ADGRB3: variants seen among roughly 807,000 people sequenced by gnomAD.
ADGRB3 encodes the protein brain-specific angiogenesis inhibitor 3.
ADGRB3 carries 37 observed loss-of-function variants against 193.4 expected under a neutral mutation model. The ratio of observed to expected loss-of-function variants is 0.19; its 90% CI spans 0.15 to 0.25. ADGRB3 has a LOEUF of 0.25. Ranked by LOEUF, ADGRB3 falls within the 10% of genes least tolerant of loss-of-function variation. The pLI, the probability that ADGRB3 is intolerant of heterozygous loss-of-function variation, is 1.00. For synonymous variants in ADGRB3, 690 were observed against 644.2 expected, an observed-to-expected ratio of 1.07 and a Z score of -1.08; for missense variants, 1,637 against 1,852.9, an observed-to-expected ratio of 0.88 and a Z score of 2.14.
intron 17 of ADGRB3, among the ~76,000 whole-genome samples, chr6:69,158,979 C>T (rs527670635): frequency 3.3e-5 from 5 of 152,142 alleles, no homozygotes; most frequent in South Asian, 2.1e-4. Flanking sequence ...CAGCATCCAA[C>T]GCCCCCACCC....
At chr6:69,101,500 C>T (rs1773055416) in intron 17 of ADGRB3, among the ~76,000 whole-genome samples, 1 of 142,684 alleles carries the variant, frequency 7.0e-6, no homozygotes, top group African/African-American at 2.6e-5. Flanking sequence ...ATACAAGAAG[C>T]TGAATTGAAT....
In ADGRB3 at chr6:69,304,090, G is replaced by GT. The variant is rs202240608; in HGVS notation, c.2815-20774dup. Among the ~76,000 whole-genome samples the GT allele has an allele frequency of 6.8e-3, 1,021 of 150,798 alleles. 10 individuals carry two copies. The highest frequency in any genetic ancestry group is 0.023 in the African/African-American group (935 of 41,198). On this transcript the variant is annotated intron_variant, in intron 20 of 31. Coordinates refer to ENST00000370598, the MANE Select transcript of ADGRB3 (RefSeq NM_001704.3). ...CAAAAATTTCAACCAAAATACAAGG[G>GT]TTTTTTTTAAAAAAAAGAGGTTATA...
At chr6:69,018,296 C>T in intron 12 of ADGRB3, 95 bp from the exon 13 acceptor site, 2 of 693,748 alleles carry the variant, frequency 2.9e-6, no homozygotes, top group East Asian at 5.4e-5. Context: ...AAACAAAGCT[C>T]ATTTGTGATT....
chr6:68,748,344 C>T (rs907983411), intron 3 of ADGRB3, among the ~76,000 whole-genome samples: 2 of 152,138 alleles, frequency 1.3e-5, no homozygotes, highest in African/African-American at 4.8e-5. Context: ...CAAAAGGAAG[C>T]TAGTTACTTC....
At chr6:69,069,747 A>AAAAAG (rs1554257227) in intron 16 of ADGRB3, among the ~76,000 whole-genome samples, 2 of 115,466 alleles carry the variant, frequency 1.7e-5, no homozygotes, top group African/African-American at 5.7e-5. Flanking sequence ...AAAAAAAAAA[A>AAAAAG]AAAGAAAGAA....
chr6:68,734,153 C>T (rs1307043134), intron 3 of ADGRB3, among the ~76,000 whole-genome samples: 1 of 150,900 alleles, frequency 6.6e-6, no homozygotes, highest in Non-Finnish European at 1.5e-5. Context: ...CATTTGAAGA[C>T]AAAACAAAAC....
At chr6:68,733,152 C>A (rs1201193188) in intron 3 of ADGRB3, among the ~76,000 whole-genome samples, 2 of 150,982 alleles carry the variant, frequency 1.3e-5, no homozygotes, top group African/African-American at 2.4e-5. Flanking sequence ...AGTCAGTTTC[C>A]CAAAAAGACA....
At position 68,860,088 on chromosome 6, in the gene ADGRB3, T is replaced by A. The variant is rs146888406; in HGVS notation, c.758-70471T>A. On this transcript the variant is annotated intron_variant, in intron 3 of 31. Transcript: ENST00000370598. ...TTTACATTTTTGCAAATACCTTTAG[T>A]GTCTGTTTATATGGAAGACAGATAT... Among the ~76,000 whole-genome samples, 21 of 152,270 alleles carry A rather than the reference T, an allele frequency of 1.4e-4. No homozygotes were observed. The East Asian group carries it at 4.1e-3, about 29-fold the overall frequency.
At chr6:68,717,096 A>T (rs1221707851) in intron 3 of ADGRB3, among the ~76,000 whole-genome samples, 1 of 151,700 alleles carries the variant, frequency 6.6e-6, no homozygotes, top group Non-Finnish European at 1.5e-5. Flanking sequence ...TCTCTTTCAA[A>T]AAGTACCACT....
At chr6:68,715,917 G>A (rs989076688) in intron 3 of ADGRB3, among the ~76,000 whole-genome samples, 17 of 151,742 alleles carry the variant, frequency 1.1e-4, no homozygotes, top group Non-Finnish European at 2.2e-4. Context: ...CTTTCTTGGA[G>A]TAGGTGTATT....
chr6:69,238,256 C>T (rs1281742541), intron 19 of ADGRB3, among the ~76,000 whole-genome samples: 1 of 152,074 alleles, frequency 6.6e-6, no homozygotes, highest in Admixed American at 6.6e-5. Flanking sequence ...CCTAAACACA[C>T]AGCAAATACA....
chr6:69,203,688 A>G (rs1765481114), intron 17 of ADGRB3, among the ~76,000 whole-genome samples: 1 of 152,082 alleles, frequency 6.6e-6, no homozygotes. Flanking sequence ...TCTCTGTAAC[A>G]TCTACTTACT....
At chr6:69,164,803 T>A (rs148447046) in intron 17 of ADGRB3, among the ~76,000 whole-genome samples, 1 of 152,220 alleles carries the variant, frequency 6.6e-6, no homozygotes, top group Non-Finnish European at 1.5e-5. Flanking sequence ...AGTTACACAA[T>A]CATAATTAGA....
intron 3 of ADGRB3, among the ~76,000 whole-genome samples, chr6:68,791,350 G>T (rs1767103769): frequency 6.6e-6 from 1 of 152,146 alleles, no homozygotes; most frequent in Non-Finnish European, 1.5e-5. Flanking sequence ...AAAAGTGTGT[G>T]TTCATACAAT....
At chr6:69,108,547 G>T (rs1337817541) in intron 17 of ADGRB3, among the ~76,000 whole-genome samples, 1 of 151,966 alleles carries the variant, frequency 6.6e-6, no homozygotes, top group Non-Finnish European at 1.5e-5. Flanking sequence ...ACCTTATTTT[G>T]TGTGTGTGTG....
At chr6:68,706,529 G>A (rs753972198) in intron 3 of ADGRB3, among the ~76,000 whole-genome samples, 80 of 152,304 alleles carry the variant, frequency 5.3e-4, no homozygotes, top group Admixed American at 1.1e-3. Context: ...TTGAGCACCA[G>A]CTCTGAGCCA....
chr6:69,271,833 T>A (rs564557887), intron 20 of ADGRB3, among the ~76,000 whole-genome samples: 1 of 152,182 alleles, frequency 6.6e-6, no homozygotes, highest in Non-Finnish European at 1.5e-5. Flanking sequence ...GCCTTATTGT[T>A]TGTTTTTTGC....
intron 28 of ADGRB3, among the ~76,000 whole-genome samples, chr6:69,359,825 G>A (rs899444183): frequency 6.6e-6 from 1 of 151,784 alleles, no homozygotes; most frequent in Admixed American, 6.6e-5. Context: ...TTCGCACAGC[G>A]CTATTCTGTG....
chr6:68,995,760 C>T lies in ADGRB3; in HGVS notation c.1929+1798C>T, dbSNP rs567302445. 3.3e-5 allele frequency among the ~76,000 whole-genome samples: 5 copies of T among 152,206 alleles called. No individual in the cohort carries two copies. The East Asian group carries it at 7.7e-4, about 24-fold the overall frequency. On this transcript the variant is annotated intron_variant, in intron 11 of 31. Transcript: ENST00000370598. Reference sequence around the variant, plus strand: ...TCTTTTGGGGCATCTGGAATGCCCTCCTTATCTGAAATTCCTTCCTCTCCC... The same window carrying T: ...TCTTTTGGGGCATCTGGAATGCCCTTCTTATCTGAAATTCCTTCCTCTCCC...
Sources: allele counts gnomAD v4.1 joint callset (sites outside exome capture counted in the v4.1 genomes callset), GRCh38; gene constraint gnomAD v4.1.1; transcripts MANE v1.5; gene names NCBI Gene and HGNC (gene_info 2026-07-23, HGNC 2026-07-21).